AGBL1: variants seen among roughly 807,000 people sequenced by gnomAD.
The protein encoded by AGBL1 is AGBL carboxypeptidase 1, also known as cytosolic carboxypeptidase 4.
In AGBL1, 130 loss-of-function variants were observed where a neutral mutation model predicts 118.9. That is an observed-to-expected ratio of 1.09 (90% CI 0.95 to 1.26). The LOEUF (loss-of-function observed/expected upper bound fraction) is 1.26. Ranked by LOEUF, AGBL1 falls within the 50% of genes most tolerant of loss-of-function variation. The pLI, the probability that AGBL1 is intolerant of heterozygous loss-of-function variation, is 0.00. For missense variants in AGBL1, 1,584 were observed against 1,298.1 expected (o/e 1.22, Z -3.38); for synonymous variants, 555 against 478.9 (o/e 1.16, Z -2.08).
intron 3 of AGBL1, among the ~76,000 whole-genome samples, chr15:86,144,309 G>A (rs532172081): frequency 2.1e-3 from 317 of 152,196 alleles, no homozygotes; most frequent in African/African-American, 7.4e-3. Flanking sequence ...CAGCAATCCC[G>A]TTACTGGGTA....
intron 22 of AGBL1, among the ~76,000 whole-genome samples, chr15:86,846,674 C>T (rs1054241626): frequency 1.3e-5 from 2 of 151,994 alleles, no homozygotes; most frequent in Non-Finnish European, 2.9e-5. Flanking sequence ...TGGGTCCACA[C>T]GTGTGCGCCA....
At chr15:86,180,045 A>C (rs1275927130) in intron 5 of AGBL1, among the ~76,000 whole-genome samples, 1 of 134,728 alleles carries the variant, frequency 7.4e-6, no homozygotes, top group Non-Finnish European at 1.8e-5. Flanking sequence ...AAACAAATGA[A>C]AGAAGACATA....
chr15:87,008,311 A>G (rs1292166284), intron 24 of AGBL1, among the ~76,000 whole-genome samples: 2 of 152,110 alleles, frequency 1.3e-5, no homozygotes, highest in Non-Finnish European at 2.9e-5. Context: ...CATGACAGTT[A>G]ATATGTCTTA....
At chr15:86,755,495 C>G (rs2077923299) in intron 22 of AGBL1, among the ~76,000 whole-genome samples, 1 of 152,094 alleles carries the variant, frequency 6.6e-6, no homozygotes, top group Non-Finnish European at 1.5e-5. Context: ...GCAATGGACA[C>G]CACTGCCATT....
intron 22 of AGBL1, among the ~76,000 whole-genome samples, chr15:86,719,689 G>A (rs971650822): frequency 2.1e-4 from 32 of 152,086 alleles, no homozygotes; most frequent in African/African-American, 7.2e-4. Flanking sequence ...AGATGGTAAA[G>A]GGTGATGGAA....
intron 5 of AGBL1, among the ~76,000 whole-genome samples, chr15:86,179,627 C>T (rs1283908560): frequency 6.6e-6 from 1 of 151,514 alleles, no homozygotes; most frequent in Non-Finnish European, 1.5e-5. Context: ...TGAATGCTTC[C>T]CCAGTAAGAT....
intron 22 of AGBL1, among the ~76,000 whole-genome samples, chr15:86,760,075 A>G (rs2078002397): frequency 6.6e-6 from 1 of 152,062 alleles, no homozygotes; most frequent in South Asian, 2.1e-4. Flanking sequence ...GCCATCATAA[A>G]TTTTATCCCA....
Position 86,464,759 on chromosome 15 carries a change from T to C in AGBL1, c.2556-58051T>C, listed in dbSNP as rs141383655. Among the ~76,000 whole-genome samples the C allele has an allele frequency of 1.2e-3, 189 of 152,338 alleles. 3 individuals are homozygous for C. In the East Asian group the frequency reaches 0.027, roughly 22 times the overall value. ...GATTACGTTTATTGATTTGCATATG[T>C]TGAACCAGACTTGCATCCCAGGGAT... is the stretch of plus-strand genomic sequence containing the variant. On this transcript the variant is annotated intron_variant, in intron 18 of 22. Coordinates refer to ENST00000614907, the MANE Select transcript of AGBL1 (RefSeq NM_001386094.1).
rs541194584 is a variant in AGBL1 at position 86,848,531 on chromosome 15, C to A, written c.3159-58556C>A. On this transcript the variant is annotated intron_variant, in intron 22 of 22. Transcript: ENST00000614907. Reference sequence around the variant, plus strand: ...TGATCCATATCTTTGGTTACTTATACCCCTTTATAATACATGGTCCCAAGA... The same window carrying A: ...TGATCCATATCTTTGGTTACTTATAACCCTTTATAATACATGGTCCCAAGA... Among the ~76,000 whole-genome samples, 9 of 152,214 alleles carry A rather than the reference C, an allele frequency of 5.9e-5. No individual in the cohort carries two copies. In the East Asian group the frequency reaches 9.7e-4, roughly 16 times the overall value.
intron 20 of AGBL1, among the ~76,000 whole-genome samples, chr15:86,547,569 C>A (rs2346727): frequency 0.5 from 75,834 of 151,836 alleles, 19,936 homozygotes; most frequent in East Asian, 0.87. Context: ...TTAATAAATT[C>A]AAAACACATT....
At chr15:86,798,776 T>C (rs1398483622) in intron 22 of AGBL1, among the ~76,000 whole-genome samples, 1 of 149,558 alleles carries the variant, frequency 6.7e-6, no homozygotes, top group Non-Finnish European at 1.5e-5. Flanking sequence ...TCCCATATAT[T>C]TAGAGAGCCT....
chr15:86,210,615 AAGCTTG>A (rs2078076151), intron 5 of AGBL1, among the ~76,000 whole-genome samples: 1 of 152,192 alleles, frequency 6.6e-6, no homozygotes, highest in African/African-American at 2.4e-5. Context: ...TCAGCTATTG[AAGCTTG>A]AGCTTGTGTC....
Position 86,936,240 on chromosome 15 carries a change from A to ATGTGTG in AGBL1, c.3222-51724_3222-51719dup, listed in dbSNP as rs767265459. 8.4e-3 allele frequency among the ~76,000 whole-genome samples: 1,120 copies of ATGTGTG among 134,094 alleles called. 4 individuals are homozygous for ATGTGTG. The highest frequency in any genetic ancestry group is 0.012 in the Middle Eastern group (3 of 242). 88.0% of individuals were successfully genotyped at this position (134,094 alleles called of 152,430 possible). On this transcript the variant is annotated intron_variant, in intron 23 of 24. Transcript: ENST00000441037. The stretch of plus-strand genomic sequence containing the variant: ...AAATTGTAAACAGCAGTGTGTATGT[A>ATGTGTG]TGTGTGTGTGTGTGTGTGTGTGTGT...
At chr15:86,449,061 G>A (rs548224932) in intron 18 of AGBL1, among the ~76,000 whole-genome samples, 1 of 152,158 alleles carries the variant, frequency 6.6e-6, no homozygotes, top group East Asian at 1.9e-4. Context: ...CAGATACAAA[G>A]CCCCATAAAG....
At chr15:86,217,297 G>A (rs550281766) in intron 5 of AGBL1, among the ~76,000 whole-genome samples, 5 of 152,220 alleles carry the variant, frequency 3.3e-5, no homozygotes, top group African/African-American at 7.2e-5. Flanking sequence ...TTTGTTGAAC[G>A]AAAGAATAAT....
chr15:86,123,556 T>G (rs944285588), intron 1 of AGBL1, among the ~76,000 whole-genome samples: 2 of 152,200 alleles, frequency 1.3e-5, no homozygotes, highest in African/African-American at 4.8e-5. Flanking sequence ...CCCTTTGTCT[T>G]AACTAAGTCA....
Position 86,667,134 on chromosome 15 carries a change from C to T in AGBL1, c.2995-7139C>T, listed in dbSNP as rs2085657826. On this transcript the variant is annotated intron_variant, in intron 21 of 22. Transcript: ENST00000614907. ...TCATCATGCCATTCTTAGAAAAATA[C>T]TCTCTAAATCATTTATATTTTTATA... 2.6e-5 allele frequency among the ~76,000 whole-genome samples: 4 copies of T among 152,136 alleles called. No homozygotes were observed. The South Asian group carries it at 8.3e-4, about 32-fold the overall frequency.
chr15:86,424,538 G>C, intron 18 of AGBL1, among the ~76,000 whole-genome samples: 1 of 152,190 alleles, frequency 6.6e-6, no homozygotes, highest in East Asian at 1.9e-4. Context: ...ATTGACAAAT[G>C]GGATCTAATT....
At chr15:86,390,264 A>G (rs2081256241) in intron 17 of AGBL1, among the ~76,000 whole-genome samples, 1 of 152,212 alleles carries the variant, frequency 6.6e-6, no homozygotes, top group African/African-American at 2.4e-5. Context: ...TTGACAACAT[A>G]ATATGGAATA....
Sources: allele counts gnomAD v4.1 joint callset (sites outside exome capture counted in the v4.1 genomes callset), GRCh38; gene constraint gnomAD v4.1.1; transcripts MANE v1.5; gene names NCBI Gene and HGNC (gene_info 2026-07-23, HGNC 2026-07-21).